Variants in TFB1M observed in about 807,000 individuals in gnomAD.
The protein encoded by TFB1M is transcription factor B1, mitochondrial, also known as dimethyladenosine transferase 1, mitochondrial.
In TFB1M, 27 loss-of-function variants were observed where a neutral mutation model predicts 31.1. The observed-to-expected ratio is 0.87, with a 90% confidence interval of 0.64 to 1.20. The LOEUF (loss-of-function observed/expected upper bound fraction) is 1.20, where lower values mean the gene tolerates loss of function less well. Ranked by LOEUF, TFB1M falls within the 50% of genes most tolerant of loss-of-function variation. The pLI is 0.00. For missense variants in TFB1M, 394 were observed against 418.7 expected (o/e 0.94, Z 0.51); for synonymous variants, 166 against 151.8 (o/e 1.09, Z -0.69).
intron 5 of TFB1M, among the ~76,000 whole-genome samples, chr6:155,280,251 C>T (rs1785433599): frequency 6.6e-6 from 1 of 152,088 alleles, no homozygotes; most frequent in East Asian, 1.9e-4. Context: ...TGGCCAAGCT[C>T]CTTCCACTGG....
At chr6:155,239,993 G>A in the TFB1M span, among the ~76,000 whole-genome samples, 1 of 152,236 alleles carries the variant, frequency 6.6e-6, no homozygotes. Flanking sequence ...ACAAGACTGT[G>A]GAGCTGAGCG....
the TFB1M span, chr6:155,249,741 G>A: frequency 2.5e-6 from 2 of 803,276 alleles, no homozygotes; most frequent in East Asian, 2.8e-5. Flanking sequence ...CCTGCTAGTG[G>A]GTACTGGTCT....
At chr6:155,286,635 ATATG>A (rs1219735269) in intron 4 of TFB1M, among the ~76,000 whole-genome samples, 2 of 127,512 alleles carry the variant, frequency 1.6e-5, no homozygotes, top group Non-Finnish European at 3.3e-5. Flanking sequence ...ATGTGTGCAT[ATATG>A]TGTGTGTGTG....
At chr6:155,234,989 CGGAGCACAGCTAGAGAT>C in the TFB1M span, among the ~76,000 whole-genome samples, 18,092 of 151,594 alleles carry the variant, frequency 0.12, 1,357 homozygotes, top group Non-Finnish European at 0.18. Flanking sequence ...GAGCTAGAGA[CGGAGCACAGCTAGAGAT>C]GGAGCACAGC....
the TFB1M span, among the ~76,000 whole-genome samples, chr6:155,249,473 T>C: frequency 6.6e-6 from 1 of 152,320 alleles, no homozygotes; most frequent in East Asian, 1.9e-4. Flanking sequence ...TGCACTCACT[T>C]TTCTCATCTG....
At chr6:155,299,010 A>G (rs1016690217) in intron 2 of TFB1M, among the ~76,000 whole-genome samples, 1 of 152,212 alleles carries the variant, frequency 6.6e-6, no homozygotes, top group African/African-American at 2.4e-5. Context: ...TAGCCTAAAT[A>G]TATATACAAA....
rs751308298 is a variant in TFB1M, at chr6:155,257,000, A to C, written c.*836T>G. ...ATCCGTCACCAGTCCCTTGACAGTC[A>C]GTCTGAAAATGCCACCATCGACCTA... On this transcript the variant is annotated 3_prime_UTR_variant, in exon 7 of 7. Transcript: ENST00000367166. The C allele has an allele frequency of 6.2e-7, 1 of 1,614,222 alleles. No individual in the cohort carries two copies. The highest frequency in any genetic ancestry group is 8.5e-7 in the Non-Finnish European group (1 of 1,180,044).
At chr6:155,292,566 T>G (rs892195908) in intron 4 of TFB1M, among the ~76,000 whole-genome samples, 5 of 151,982 alleles carry the variant, frequency 3.3e-5, no homozygotes, top group Non-Finnish European at 5.9e-5. Context: ...CTACCCTGGA[T>G]CCACCAGAAC....
the TFB1M span, chr6:155,247,979 C>T: frequency 1.9e-6 from 3 of 1,611,340 alleles, no homozygotes; most frequent in Non-Finnish European, 2.5e-6. Flanking sequence ...CTTCTGAGGT[C>T]TTTTATCCAT....
intron 2 of TFB1M, among the ~76,000 whole-genome samples, chr6:155,300,029 T>C (rs1322940421): frequency 6.6e-6 from 1 of 152,198 alleles, no homozygotes; most frequent in Non-Finnish European, 1.5e-5. Context: ...TTAATACATA[T>C]TTAAGAAGTG....
the TFB1M span, chr6:155,251,082 ACTAGCCGCACCAGT>A: frequency 7.0e-7 from 1 of 1,428,146 alleles, no homozygotes; most frequent in South Asian, 1.1e-5. Flanking sequence ...GAAGAACTTC[ACTAGCCGCACCAGT>A]CCAGCTCACT....
chr6:155,269,750 T>C (rs1784838448), intron 5 of TFB1M, among the ~76,000 whole-genome samples: 1 of 152,274 alleles, frequency 6.6e-6, no homozygotes, highest in African/African-American at 2.4e-5. Context: ...ATTAGCAAGA[T>C]GACAAACTAG....
intron 5 of TFB1M, among the ~76,000 whole-genome samples, chr6:155,267,534 T>C (rs1049932888): frequency 1.3e-5 from 2 of 152,204 alleles, no homozygotes; most frequent in African/African-American, 2.4e-5. Context: ...CTTTTGGGTG[T>C]GGACAAGCTC....
chr6:155,259,310 T>C (rs1362505471), intron 6 of TFB1M, among the ~76,000 whole-genome samples: 1 of 152,180 alleles, frequency 6.6e-6, no homozygotes, highest in Non-Finnish European at 1.5e-5. Context: ...GCACCTTAAG[T>C]CTCTGCTAGA....
intron 2 of TFB1M, among the ~76,000 whole-genome samples, chr6:155,306,763 C>G (rs1184689904): frequency 6.6e-6 from 1 of 152,086 alleles, no homozygotes; most frequent in Non-Finnish European, 1.5e-5. Flanking sequence ...CATGAGGAAT[C>G]CTGAGGACGA....
intron 4 of TFB1M, among the ~76,000 whole-genome samples, chr6:155,292,273 G>A (rs554264314): frequency 3.3e-5 from 5 of 152,288 alleles, no homozygotes; most frequent in South Asian, 2.1e-4. Flanking sequence ...GTGCTCACAC[G>A]TGTGCAGGAG....
the TFB1M span, among the ~76,000 whole-genome samples, chr6:155,229,995 G>A: frequency 1.3e-5 from 2 of 151,966 alleles, no homozygotes; most frequent in Non-Finnish European, 2.9e-5. Context: ...TCCCTCCCAT[G>A]ACACATGGGA....
At chr6:155,289,106 G>A (rs188087630) in intron 4 of TFB1M, among the ~76,000 whole-genome samples, 187 of 152,048 alleles carry the variant, frequency 1.2e-3, no homozygotes, top group Non-Finnish European at 2.4e-3. Context: ...TAAGTACAAG[G>A]AGAAAAATTA....
the TFB1M span, chr6:155,244,770 C>T: frequency 3.1e-6 from 5 of 1,611,874 alleles, no homozygotes; most frequent in East Asian, 2.2e-5. Context: ...CTAGAAACCC[C>T]CTCACAGTTT....
Sources: gnomAD v4.1 joint callset for allele counts (sites outside exome capture counted in the v4.1 genomes callset) on GRCh38, gnomAD v4.1.1 for gene constraint, MANE v1.5 for transcripts, NCBI Gene and HGNC (gene_info 2026-07-23, HGNC 2026-07-21) for gene names.